The following USP14 variants were observed in gnomAD, a reference collection of about 807,000 sequenced individuals.
USP14 encodes ubiquitin carboxyl-terminal hydrolase 14.
USP14 carries 38 observed loss-of-function variants against 76.5 expected under a neutral mutation model. That is an observed-to-expected ratio of 0.50 (90% CI 0.38 to 0.65). USP14 has a LOEUF of 0.65. Ranked by LOEUF, USP14 falls within the 30% of genes least tolerant of loss-of-function variation. The probability of loss-of-function intolerance (pLI) is 0.00; values close to 1 mark genes in which losing one functional copy is unlikely to be tolerated. For synonymous variants in USP14, 192 were observed against 191.7 expected (o/e 1.00, Z -0.01); for missense variants, 467 against 586.5 (o/e 0.80, Z 2.10).
intron 13 of USP14, 114 bp from the exon 14 acceptor site, chr18:209,857 A>G (rs1910623945): frequency 2.8e-6 from 2 of 721,686 alleles, no homozygotes; most frequent in Admixed American, 6.6e-5. Context: ...GGTAGACTGT[A>G]TTTTGTCTCT....
chr18:197,856 A>G (rs996615125), intron 8 of USP14, among the ~76,000 whole-genome samples, 160 bp downstream of exon 8: 1 of 152,084 alleles, frequency 6.6e-6, no homozygotes, highest in African/African-American at 2.4e-5. Context: ...GGAAGCTTGC[A>G]TACGACATTT....
intron 3 of USP14, among the ~76,000 whole-genome samples, chr18:168,152 C>T (rs1909330936): frequency 1.3e-5 from 2 of 151,952 alleles, no homozygotes; most frequent in African/African-American, 4.8e-5. Flanking sequence ...TCTCGAACTC[C>T]CGACCTCAGG....
intron 2 of USP14, among the ~76,000 whole-genome samples, chr18:165,098 A>G (rs489560): frequency 0.62 from 94,091 of 151,728 alleles, 29,365 homozygotes; most frequent in South Asian, 0.7. Flanking sequence ...ACAGGTCACC[A>G]CCACCATGCG....
At chr18:192,094 A>G (rs1245698033) in intron 5 of USP14, among the ~76,000 whole-genome samples, 2 of 152,260 alleles carry the variant, frequency 1.3e-5, no homozygotes, top group Non-Finnish European at 2.9e-5. Context: ...AAACTGACCT[A>G]CAACCTTAAG....
intron 7 of USP14, among the ~76,000 whole-genome samples, chr18:197,007 T>G (rs1910255960): frequency 6.6e-6 from 1 of 152,208 alleles, no homozygotes; most frequent in Non-Finnish European, 1.5e-5. Context: ...AGGATTATGT[T>G]GGCCCCTTGT....
At chr18:166,465 TG>T (rs1909273741) in intron 2 of USP14, among the ~76,000 whole-genome samples, 3 of 152,216 alleles carry the variant, frequency 2.0e-5, no homozygotes, top group Admixed American at 6.5e-5. Flanking sequence ...CCCGAGTAGC[TG>T]GAATTACAGG....
At chr18:210,125 C>A in intron 14 of USP14, 94 bp downstream of exon 14, 2 of 1,046,294 alleles carry the variant, frequency 1.9e-6, no homozygotes, top group Admixed American at 2.7e-5. Context: ...TTCTGATGTG[C>A]TTTTCAAACA....
intron 14 of USP14, 127 bp downstream of exon 14, chr18:210,158 T>C (rs1299282473): frequency 2.4e-6 from 2 of 822,462 alleles, no homozygotes; most frequent in African/African-American, 3.5e-5. Context: ...TCTTGAACAA[T>C]TTACCTTAAT....
chr18:176,241 AT>A, intron 3 of USP14, among the ~76,000 whole-genome samples: 1 of 151,812 alleles, frequency 6.6e-6, no homozygotes, highest in East Asian at 1.9e-4. Flanking sequence ...TCGGTTTTAA[AT>A]TTTTTAAAAT....
Position 197,706 on chromosome 18 carries a change from A to G in USP14, c.675+10A>G, listed in dbSNP as rs770994651. 9 of 1,601,206 alleles carry G rather than the reference A, an allele frequency of 5.6e-6. No individual in the cohort carries two copies. The highest frequency in any genetic ancestry group is 7.7e-6 in the Non-Finnish European group (9 of 1,171,842). On this transcript the variant is annotated intron_variant, in intron 8 of 15. Transcript: ENST00000261601. ...TGATTCTGTTAAAGAGGTAATTGAA[A>G]TATATTTGTGATTATAGACTTTCGT...
chr18:182,947 C>T (rs1598271063), intron 5 of USP14, among the ~76,000 whole-genome samples: 1 of 152,108 alleles, frequency 6.6e-6, no homozygotes, highest in African/African-American at 2.4e-5. Flanking sequence ...GTGTGGACTT[C>T]GTGTTGTGGG....
chr18:211,434 A>G lies in USP14; in HGVS notation c.*150A>G. 1.4e-6 allele frequency: 1 copy of G among 698,654 alleles called. No individual in the cohort carries two copies. Among genetic ancestry groups the G allele is most frequent in the Non-Finnish European group, 2.2e-6 (1 of 459,744 alleles). The allele number at this position is 698,654 out of a possible 1,614,324, so 43.3% of individuals were successfully genotyped here. A position where few individuals can be genotyped will look rare whatever the true frequency, so the allele number is the denominator to read the frequency against. Reference sequence around the variant, plus strand: ...AGGACAGAAGCAGACCACTCTGTGCACCAACCTAAAAAATTACAGAGAAGA... The same window carrying G: ...AGGACAGAAGCAGACCACTCTGTGCGCCAACCTAAAAAATTACAGAGAAGA... On this transcript the variant is annotated 3_prime_UTR_variant, in exon 16 of 16. Coordinates refer to ENST00000261601, the MANE Select transcript of USP14 (RefSeq NM_005151.4).
rs186959967 is a variant in USP14, at chr18:188,257, G to A, written c.405-4585G>A. ...GTATCCCTCCATTTGTTTACTGGAG[G>A]TTTTTTAAAAATAAGAAATACATGT... is the stretch of plus-strand genomic sequence containing the variant. On this transcript the variant is annotated intron_variant, in intron 5 of 15. Transcript: ENST00000261601. 3.3e-3 allele frequency among the ~76,000 whole-genome samples: 503 copies of A among 152,116 alleles called. 3 individuals carry two copies. Among genetic ancestry groups the A allele is most frequent in the Middle Eastern group, 0.027 (8 of 294 alleles).
At chr18:186,367 G>A (rs1909929875) in intron 5 of USP14, among the ~76,000 whole-genome samples, 1 of 152,142 alleles carries the variant, frequency 6.6e-6, no homozygotes, top group Non-Finnish European at 1.5e-5. Context: ...GAGCTGGGAG[G>A]AATGCTTGAG....
chr18:204,763 CTTTT>C, intron 13 of USP14, 71 bp downstream of exon 13: 1 of 1,536,552 alleles, frequency 6.5e-7, no homozygotes, highest in Non-Finnish European at 8.8e-7. Context: ...ATTACTCTGT[CTTTT>C]TTTTCCTGCT....
At chr18:209,298 T>G (rs1035564199) in intron 13 of USP14, among the ~76,000 whole-genome samples, 1 of 152,216 alleles carries the variant, frequency 6.6e-6, no homozygotes, top group Non-Finnish European at 1.5e-5. Flanking sequence ...TGGAATCCTT[T>G]GACTTCTTGC....
intron 7 of USP14, among the ~76,000 whole-genome samples, 158 bp from the exon 8 acceptor site, chr18:197,458 A>G (rs947912591): frequency 6.6e-6 from 1 of 152,236 alleles, no homozygotes; most frequent in Non-Finnish European, 1.5e-5. Flanking sequence ...AAGCTATTCT[A>G]GAATGCTTTA....
At chr18:205,065 A>G (rs575778938) in intron 13 of USP14, among the ~76,000 whole-genome samples, 4 of 152,116 alleles carry the variant, frequency 2.6e-5, no homozygotes, top group Admixed American at 2.0e-4. Flanking sequence ...TGGTAGAGAC[A>G]GGGTTTTGCC....
At chr18:173,557 A>G (rs1909537107) in intron 3 of USP14, among the ~76,000 whole-genome samples, 1 of 151,916 alleles carries the variant, frequency 6.6e-6, no homozygotes, top group South Asian at 2.1e-4. Flanking sequence ...GATTAAAGGC[A>G]TGCACCACCA....
Sources: allele counts gnomAD v4.1 joint callset (sites outside exome capture counted in the v4.1 genomes callset), GRCh38; gene constraint gnomAD v4.1.1; transcripts MANE v1.5; gene names NCBI Gene and HGNC (gene_info 2026-07-23, HGNC 2026-07-21).